The following KSR2 variants were observed in gnomAD, a reference collection of about 807,000 sequenced individuals.
KSR2 encodes the protein kinase suppressor of ras 2.
In KSR2, 25 loss-of-function variants were observed where a neutral mutation model predicts 107.8. The ratio of observed to expected loss-of-function variants is 0.23; its 90% confidence interval spans 0.17 to 0.32. The LOEUF (loss-of-function observed/expected upper bound fraction) is 0.32, where lower values mean the gene tolerates loss of function less well. KSR2 is among the 10% of genes least tolerant of loss of function. The pLI, the probability that KSR2 is intolerant of heterozygous loss-of-function variation, is 1.00. For synonymous variants in KSR2, 480 were observed against 507.0 expected (o/e 0.95, Z 0.71); for missense variants, 887 against 1,268.9 (o/e 0.70, Z 4.57).
intron 10 of KSR2, among the ~76,000 whole-genome samples, chr12:117,537,837 T>G (rs564964634): frequency 1.3e-5 from 2 of 152,302 alleles, no homozygotes; most frequent in South Asian, 4.1e-4. Flanking sequence ...AGGAAGGAGC[T>G]AAGGGACACC....
chr12:117,701,181 G>C (rs1886293861), intron 4 of KSR2, among the ~76,000 whole-genome samples: 1 of 152,130 alleles, frequency 6.6e-6, no homozygotes, highest in Non-Finnish European at 1.5e-5. Flanking sequence ...TCCACCTCCT[G>C]GGTTTAAGGG....
At chr12:117,783,136 G>A (rs781454096) in intron 3 of KSR2, among the ~76,000 whole-genome samples, 7 of 151,962 alleles carry the variant, frequency 4.6e-5, no homozygotes, top group Non-Finnish European at 7.4e-5. Context: ...TTTGGAAAGT[G>A]TACCGTGTGC....
At chr12:117,638,843 A>ATTT (rs1883226845) in intron 5 of KSR2, among the ~76,000 whole-genome samples, 1 of 152,182 alleles carries the variant, frequency 6.6e-6, no homozygotes, top group Non-Finnish European at 1.5e-5. Flanking sequence ...CCAGCACAAA[A>ATTT]TTTAAGGGGA....
At chr12:117,866,568 G>T (rs1000959030) in intron 1 of KSR2, among the ~76,000 whole-genome samples, 1 of 152,042 alleles carries the variant, frequency 6.6e-6, no homozygotes, top group African/African-American at 2.4e-5. Context: ...AGTGGCTCAC[G>T]CCTATAATCC....
intron 1 of KSR2, chr12:117,890,661 C>T (rs1422642458): frequency 6.6e-6 from 1 of 152,162 alleles, no homozygotes; most frequent in Non-Finnish European, 1.5e-5. Flanking sequence ...TTTGGCAGAT[C>T]CATTTGATTG....
intron 1 of KSR2, among the ~76,000 whole-genome samples, chr12:117,878,477 TAAAAA>T (rs1893934367): frequency 6.6e-6 from 1 of 152,100 alleles, no homozygotes; most frequent in Admixed American, 6.5e-5. Context: ...ATGATGTTGT[TAAAAA>T]TAAAATAAAA....
intron 4 of KSR2, among the ~76,000 whole-genome samples, chr12:117,731,734 C>T (rs547226701): frequency 8.4e-4 from 128 of 152,038 alleles, no homozygotes; most frequent in African/African-American, 2.3e-3. Context: ...TGTGACCTTA[C>T]CCCCAACCCC....
At chr12:117,713,420 T>C (rs1020978221) in intron 4 of KSR2, among the ~76,000 whole-genome samples, 4 of 152,166 alleles carry the variant, frequency 2.6e-5, no homozygotes, top group Non-Finnish European at 5.9e-5. Context: ...GGAACTCTGA[T>C]ACAGATATAG....
At chr12:117,860,191 G>T in intron 2 of KSR2, 100 bp downstream of exon 2, 2 of 1,244,218 alleles carry the variant, frequency 1.6e-6, no homozygotes, top group Non-Finnish European at 2.2e-6. Flanking sequence ...ATGTGCCAGG[G>T]ACTGTGCTGG....
In KSR2 at chr12:117,907,587, CAGAG is replaced by C. The variant is rs369421830; in HGVS notation, c.181-47160_181-47157del. On this transcript the variant is annotated intron_variant, in intron 1 of 19. Coordinates refer to ENST00000339824, the MANE Select transcript of KSR2 (RefSeq NM_173598.6). The surrounding 1 kb of genome is among the most constrained non-coding windows in gnomAD (Gnocchi z 4.3). ...TTAGAGATTAAGAGAGCACAGAACA[CAGAG>C]AGAGAGAATATCAGAAAATGTGAAT... is the stretch of plus-strand genomic sequence containing the variant. 6.6e-6 allele frequency among the ~76,000 whole-genome samples: 1 copy of C among 151,912 alleles called. No individual in the cohort carries two copies. The highest frequency in any genetic ancestry group is 2.4e-5 in the African/African-American group (1 of 41,322).
chr12:117,771,887 AACAC>A (rs148597592), intron 3 of KSR2, among the ~76,000 whole-genome samples: 9,722 of 147,468 alleles, frequency 0.066, 339 homozygotes, highest in East Asian at 0.12. Context: ...AAGACGCACA[AACAC>A]ACAGTCACAC....
Position 117,968,446 on chromosome 12 carries a change from T to A in KSR2, c.-191A>T, listed in dbSNP as rs1896864680. 7.5e-7 allele frequency: 1 copy of A among 1,325,104 alleles called. No homozygotes were observed. 82.1% of individuals were successfully genotyped at this position (1,325,104 alleles called of 1,614,324 possible). On this transcript the variant is annotated 5_prime_UTR_variant, in exon 1 of 20. Transcript: ENST00000339824. ...GGAGGAGGGGACAAGAGCCAAAATT[T>A]ATTATTTTATTTTGGGATATCAAGC...
At chr12:117,893,180 G>C (rs996132261) in intron 1 of KSR2, among the ~76,000 whole-genome samples, 1 of 151,942 alleles carries the variant, frequency 6.6e-6, no homozygotes, top group Non-Finnish European at 1.5e-5. Context: ...ACCATGTCCG[G>C]CTAAGTTTTG....
intron 3 of KSR2, among the ~76,000 whole-genome samples, chr12:117,802,644 G>A (rs529255571): frequency 3.3e-5 from 5 of 152,142 alleles, no homozygotes; most frequent in Non-Finnish European, 7.3e-5. Context: ...CTCTTAGCAG[G>A]CCCCCTGGGA....
intron 12 of KSR2, among the ~76,000 whole-genome samples, chr12:117,528,414 C>G (rs760483639): frequency 6.6e-6 from 1 of 151,962 alleles, no homozygotes; most frequent in South Asian, 2.1e-4. Context: ...AATACCCCAC[C>G]CCTCCTTTCC....
intron 5 of KSR2, among the ~76,000 whole-genome samples, chr12:117,624,597 T>C (rs1366098910): frequency 1.3e-5 from 2 of 152,250 alleles, no homozygotes; most frequent in Non-Finnish European, 2.9e-5. Context: ...ACCAGTACCA[T>C]GCTGTTTTGG....
intron 7 of KSR2, among the ~76,000 whole-genome samples, chr12:117,573,817 C>A (rs1237522083): frequency 1.3e-5 from 2 of 152,142 alleles, no homozygotes; most frequent in Admixed American, 1.3e-4. Context: ...GCATGAGCCA[C>A]CGTGCCTGGC....
At chr12:117,624,424 C>T (rs1456743296) in intron 5 of KSR2, among the ~76,000 whole-genome samples, 2 of 152,194 alleles carry the variant, frequency 1.3e-5, no homozygotes, top group South Asian at 2.1e-4. Context: ...GATCCAGTTT[C>T]AGCTTTCTAC....
In KSR2 at chr12:117,772,228, C is replaced by T. The variant is rs1275396006; in HGVS notation, c.473-10704G>A. On this transcript the variant is annotated intron_variant, in intron 3 of 19. Transcript: ENST00000339824. ...ACACACTCATACACACACACCATTC[C>T]CCCAGACGCACAAACACTCACACAT... 4.6e-5 allele frequency among the ~76,000 whole-genome samples: 6 copies of T among 130,942 alleles called. 1 individual carries two copies. Among genetic ancestry groups the T allele is most frequent in the African/African-American group, 1.9e-4 (6 of 31,068 alleles). 85.9% of individuals were successfully genotyped at this position (130,942 alleles called of 152,430 possible).
Sources: gnomAD v4.1 joint callset for allele counts (sites outside exome capture counted in the v4.1 genomes callset) on GRCh38, gnomAD v4.1.1 for gene constraint, Gnocchi (gnomAD v3.1) non-coding constraint, MANE v1.5 for transcripts, NCBI Gene and HGNC (gene_info 2026-07-23, HGNC 2026-07-21) for gene names.